The following CYP7B1 variants were observed in gnomAD, a reference collection of about 807,000 sequenced individuals.
CYP7B1 encodes cytochrome P450 family 7 subfamily B member 1.
Under a neutral mutation model 42.7 loss-of-function variants are expected in CYP7B1, and 29 were observed. The ratio of observed to expected loss-of-function variants is 0.68; its 90% confidence interval spans 0.51 to 0.93. The LOEUF is 0.93. Ranked by LOEUF, CYP7B1 falls within the 40% of genes least tolerant of loss-of-function variation. The pLI, the probability that CYP7B1 is intolerant of heterozygous loss-of-function variation, is 0.00. For synonymous variants in CYP7B1, 235 were observed against 218.2 expected, an observed-to-expected ratio of 1.08 and a Z score of -0.68; for missense variants, 655 against 600.5, an observed-to-expected ratio of 1.09 and a Z score of -0.95.
At chr8:64,660,904 G>C (rs1806190237) in intron 1 of CYP7B1, among the ~76,000 whole-genome samples, 1 of 152,180 alleles carries the variant, frequency 6.6e-6, no homozygotes, top group Non-Finnish European at 1.5e-5. Context: ...CTAGAATTTA[G>C]ACTATCATTT....
intron 1 of CYP7B1, among the ~76,000 whole-genome samples, chr8:64,793,397 G>A (rs904861258): frequency 9.2e-5 from 14 of 151,746 alleles, no homozygotes; most frequent in African/African-American, 3.1e-4. Flanking sequence ...TTTTTGTAGG[G>A]ATTGAGCAAG....
At chr8:64,781,707 A>G (rs1459255523) in intron 1 of CYP7B1, among the ~76,000 whole-genome samples, 1 of 152,128 alleles carries the variant, frequency 6.6e-6, no homozygotes, top group Non-Finnish European at 1.5e-5. Context: ...AGGTCAGCTG[A>G]TTAGCAACCT....
chr8:64,726,461 TAAAA>T (rs1267739414), intron 1 of CYP7B1, among the ~76,000 whole-genome samples: 2 of 152,160 alleles, frequency 1.3e-5, no homozygotes, highest in Admixed American at 1.3e-4. Context: ...CTAACCAGGT[TAAAA>T]AAGTACATAA....
intron 1 of CYP7B1, among the ~76,000 whole-genome samples, chr8:64,792,853 G>A (rs1000371156): frequency 6.6e-5 from 10 of 152,142 alleles, no homozygotes; most frequent in African/African-American, 2.4e-4. Flanking sequence ...ATTTGGGATG[G>A]AGTGAATGCA....
intron 1 of CYP7B1, among the ~76,000 whole-genome samples, chr8:64,668,164 T>C (rs1427993718): frequency 5.9e-5 from 9 of 152,182 alleles, no homozygotes; most frequent in Non-Finnish European, 1.3e-4. Flanking sequence ...GTTCTATGGG[T>C]CTACAGATTC....
chr8:64,664,994 T>C (rs959564984), intron 1 of CYP7B1, among the ~76,000 whole-genome samples: 3 of 152,190 alleles, frequency 2.0e-5, no homozygotes, highest in African/African-American at 7.2e-5. Context: ...ACTCAGACCA[T>C]GGCTGGCCAG....
At chr8:64,656,368 G>A (rs1409429898) in intron 1 of CYP7B1, among the ~76,000 whole-genome samples, 1 of 152,188 alleles carries the variant, frequency 6.6e-6, no homozygotes, top group African/African-American at 2.4e-5. Context: ...TAGAGATGTG[G>A]TCTTTGACTT....
intron 1 of CYP7B1, among the ~76,000 whole-genome samples, chr8:64,727,634 T>A (rs1303058301): frequency 6.6e-6 from 1 of 152,174 alleles, no homozygotes; most frequent in Non-Finnish European, 1.5e-5. Flanking sequence ...CAAGTAGAAA[T>A]CTTTAGGCAA....
intron 1 of CYP7B1, among the ~76,000 whole-genome samples, chr8:64,634,720 A>T (rs1044802072): frequency 6.6e-6 from 1 of 152,202 alleles, no homozygotes; most frequent in Non-Finnish European, 1.5e-5. Context: ...TTTTTTTAAA[A>T]AAGCTCAACA....
intron 1 of CYP7B1, among the ~76,000 whole-genome samples, chr8:64,680,071 C>T (rs947900175): frequency 2.5e-4 from 38 of 152,060 alleles, no homozygotes; most frequent in Admixed American, 2.5e-3. Context: ...TTCCCCCTCC[C>T]TCCATTCCCT....
intron 1 of CYP7B1, among the ~76,000 whole-genome samples, chr8:64,632,322 A>G (rs1805708963): frequency 6.6e-6 from 1 of 152,208 alleles, no homozygotes; most frequent in African/African-American, 2.4e-5. Flanking sequence ...CCAAGTACAG[A>G]AAACAAACAC....
chr8:64,680,375 C>T (rs1238859126), intron 1 of CYP7B1, among the ~76,000 whole-genome samples: 1 of 152,066 alleles, frequency 6.6e-6, no homozygotes, highest in Non-Finnish European at 1.5e-5. Flanking sequence ...ATGAGCTCCA[C>T]CAATCCCTCA....
At position 64,596,454 on chromosome 8, in the gene CYP7B1, C is replaced by T. The variant is rs1805117952; in HGVS notation, c.*188G>A. 5 of 571,588 alleles carry T rather than the reference C, an allele frequency of 8.7e-6. No homozygotes were observed. The highest frequency in any genetic ancestry group is 1.5e-5 in the Non-Finnish European group (5 of 338,806). The allele number at this position is 571,588 out of a possible 1,614,324, so 35.4% of individuals were successfully genotyped here. ...TTGATTTTGATGTCCATTTTCCTGC[C>T]ACCATCCTGTTTTATATTATGATGG... On this transcript the variant is annotated 3_prime_UTR_variant, in exon 6 of 6. Coordinates refer to ENST00000310193, the MANE Select transcript of CYP7B1 (RefSeq NM_004820.5).
At position 64,693,071 on chromosome 8, in the gene CYP7B1, T is replaced by C. The variant is rs139031818; in HGVS notation, c.123-68532A>G. ...TGCTCTCAGGGCAATGACCTTGTGGTCTCATTTGCAATCACTGTTCTCCAA... is the reference window on the plus strand; with the variant it reads ...TGCTCTCAGGGCAATGACCTTGTGGCCTCATTTGCAATCACTGTTCTCCAA... On this transcript the variant is annotated intron_variant, in intron 1 of 5. Transcript: ENST00000310193. 3.3e-5 allele frequency among the ~76,000 whole-genome samples: 5 copies of C among 152,332 alleles called. No homozygotes were observed. In the East Asian group the frequency reaches 9.6e-4, roughly 29 times the overall value.
intron 1 of CYP7B1, among the ~76,000 whole-genome samples, chr8:64,741,265 G>T (rs1256479893): frequency 6.6e-6 from 1 of 151,848 alleles, no homozygotes; most frequent in East Asian, 1.9e-4. Context: ...GAAGGAGGAA[G>T]AAATAAAATT....
At chr8:64,724,438 C>T (rs532852386) in intron 1 of CYP7B1, among the ~76,000 whole-genome samples, 5 of 152,092 alleles carry the variant, frequency 3.3e-5, no homozygotes, top group African/African-American at 9.7e-5. Flanking sequence ...TGAGCCACCG[C>T]GCCCAGCCAA....
intron 2 of CYP7B1, among the ~76,000 whole-genome samples, chr8:64,621,424 T>G (rs994851398): frequency 6.6e-6 from 1 of 152,144 alleles, no homozygotes; most frequent in Non-Finnish European, 1.5e-5. Flanking sequence ...GAGGAAGCAA[T>G]GTGTGACTCT....
chr8:64,666,600 CCA>C (rs1806283623), intron 1 of CYP7B1, among the ~76,000 whole-genome samples: 1 of 152,042 alleles, frequency 6.6e-6, no homozygotes, highest in South Asian at 2.1e-4. Context: ...AAACAGCTTG[CCA>C]CAGTGGGCAG....
intron 5 of CYP7B1, among the ~76,000 whole-genome samples, chr8:64,599,488 G>A (rs767150143): frequency 7.2e-5 from 11 of 152,028 alleles, no homozygotes; most frequent in Non-Finnish European, 5.9e-5. Flanking sequence ...GTGTCCGGCC[G>A]CTGATTGAAA....
Sources: allele counts gnomAD v4.1 joint callset (sites outside exome capture counted in the v4.1 genomes callset), GRCh38; gene constraint gnomAD v4.1.1; transcripts MANE v1.5; gene names NCBI Gene and HGNC (gene_info 2026-07-23, HGNC 2026-07-21).